Variants in AAMDC observed in about 807,000 individuals in gnomAD.
The protein encoded by AAMDC is mth938 domain-containing protein.
Under a neutral mutation model 15.5 loss-of-function variants are expected in AAMDC, and 16 were observed. The observed-to-expected ratio is 1.03, with a 90% CI of 0.70 to 1.57. The LOEUF is 1.57. Ranked by LOEUF, AAMDC falls within the 40% of genes most tolerant of loss-of-function variation. The pLI is 0.00. For synonymous variants in AAMDC, 51 were observed against 51.6 expected (o/e 0.99, Z 0.05); for missense variants, 141 against 144.9 (o/e 0.97, Z 0.14).
intron 5 of AAMDC, among the ~76,000 whole-genome samples, chr11:77,890,588 C>A (rs1338873808): frequency 6.6e-6 from 1 of 152,110 alleles, no homozygotes; most frequent in Non-Finnish European, 1.5e-5. Context: ...CTGTGCATGT[C>A]TACTCACCAA....
At chr11:77,903,872 G>C (rs1952857763), downstream of AAMDC, among the ~76,000 whole-genome samples, 1 of 152,112 alleles carries the variant, frequency 6.6e-6, no homozygotes, top group African/African-American at 2.4e-5. Context: ...AGTGCTTCTG[G>C]AAGCAGAGGA....
chr11:77,878,137 C>T (rs756488854), intron 5 of AAMDC, among the ~76,000 whole-genome samples: 4 of 152,046 alleles, frequency 2.6e-5, no homozygotes, highest in South Asian at 4.1e-4. Flanking sequence ...CCAAGGTGGG[C>T]AGATCACGAG....
At chr11:77,852,563 C>G (rs1257297229) in intron 2 of AAMDC, among the ~76,000 whole-genome samples, 2 of 152,100 alleles carry the variant, frequency 1.3e-5, no homozygotes, top group Non-Finnish European at 2.9e-5. Flanking sequence ...TACAATTCAA[C>G]ATGAGATTTG....
At chr11:77,836,297 C>CT (rs1242868543) in intron 1 of AAMDC, among the ~76,000 whole-genome samples, 1 of 152,058 alleles carries the variant, frequency 6.6e-6, no homozygotes, top group Non-Finnish European at 1.5e-5. Flanking sequence ...GAGATAGGGT[C>CT]TTCAAGGAGG....
chr11:77,823,239 T>G lies in AAMDC; in HGVS notation c.-19+1998T>G, dbSNP rs570091679. The stretch of plus-strand genomic sequence containing the variant: ...CAAAAAAAAAAAAAAAAAAAAGAAA[T>G]TAAAATCCTACTTCAGGAAAATATC... On this transcript the variant is annotated intron_variant, in intron 1 of 3. Coordinates refer to ENST00000393427, the MANE Select transcript of AAMDC (RefSeq NM_024684.4). Among the ~76,000 whole-genome samples the G allele has an allele frequency of 6.6e-4, 79 of 119,788 alleles. No homozygotes were observed. The Middle Eastern group carries it at 0.016, about 24-fold the overall frequency. 78.6% of individuals were successfully genotyped at this position (119,788 alleles called of 152,430 possible). A position where few individuals can be genotyped will look rare whatever the true frequency, so the allele number is the denominator to read the frequency against.
chr11:77,879,286 C>T (rs561002713), intron 5 of AAMDC, among the ~76,000 whole-genome samples: 26 of 152,352 alleles, frequency 1.7e-4, no homozygotes, highest in Non-Finnish European at 2.9e-4. Context: ...AACACTGAGC[C>T]TGCAGATGTG....
chr11:77,872,061 G>T (rs532164361), intron 3 of AAMDC, 114 bp from the exon 4 acceptor site: 2 of 1,198,158 alleles, frequency 1.7e-6, no homozygotes, highest in Non-Finnish European at 2.3e-6. Flanking sequence ...CTGAGTGATC[G>T]TGAAGTGACG....
At chr11:77,825,840 T>A (rs614495) in intron 1 of AAMDC, among the ~76,000 whole-genome samples, 33,131 of 151,974 alleles carry the variant, frequency 0.22, 3,718 homozygotes, top group Middle Eastern at 0.25. Context: ...TACAGGCAAG[T>A]GCCACTACAT....
chr11:77,845,457 C>A (rs988311179), intron 2 of AAMDC, among the ~76,000 whole-genome samples: 1 of 151,450 alleles, frequency 6.6e-6, no homozygotes, highest in Non-Finnish European at 1.5e-5. Flanking sequence ...GGGGGATAGA[C>A]TATTGCTCTG....
chr11:77,881,563 A>G (rs991701979), intron 5 of AAMDC, among the ~76,000 whole-genome samples: 2 of 152,234 alleles, frequency 1.3e-5, no homozygotes, highest in Non-Finnish European at 2.9e-5. Flanking sequence ...TATCTGTAAA[A>G]TGAAAAGAGA....
downstream of AAMDC, among the ~76,000 whole-genome samples, chr11:77,873,786 G>A (rs1233372149): frequency 1.3e-5 from 2 of 152,182 alleles, no homozygotes; most frequent in Non-Finnish European, 2.9e-5. Context: ...CTTAAAAAAT[G>A]GAAGGTTCAT....
chr11:77,862,452 T>A (rs925422252), intron 2 of AAMDC, among the ~76,000 whole-genome samples: 8 of 152,206 alleles, frequency 5.3e-5, no homozygotes, highest in African/African-American at 1.9e-4. Context: ...GAGAAAAAGG[T>A]ACGTGTACTC....
At chr11:77,903,704 T>C (rs1429071894), downstream of AAMDC, 14 of 1,011,414 alleles carry the variant, frequency 1.4e-5, no homozygotes, top group Non-Finnish European at 1.9e-5. Flanking sequence ...TTGTTTTCCT[T>C]TGAAAGTCTC....
intron 2 of AAMDC, among the ~76,000 whole-genome samples, chr11:77,860,442 C>T (rs1237336705): frequency 6.6e-6 from 1 of 152,172 alleles, no homozygotes; most frequent in Non-Finnish European, 1.5e-5. Context: ...ATAATTTTAG[C>T]CCTAAGTATT....
intron 5 of AAMDC, chr11:77,891,658 A>G: frequency 1.2e-6 from 2 of 1,611,084 alleles, no homozygotes; most frequent in Non-Finnish European, 1.7e-6. Context: ...GATTTGGCCT[A>G]CAGGGGCCAA....
intron 1 of AAMDC, among the ~76,000 whole-genome samples, chr11:77,835,692 G>T (rs1949651556): frequency 6.6e-6 from 1 of 151,982 alleles, no homozygotes. Flanking sequence ...ACTGAGGTGG[G>T]CGGATCGCTT....
chr11:77,841,733 C>T (rs1024776014), intron 1 of AAMDC, among the ~76,000 whole-genome samples: 1 of 152,164 alleles, frequency 6.6e-6, no homozygotes, highest in Non-Finnish European at 1.5e-5. Context: ...GCTTATAAAG[C>T]CCCCTGTGGC....
At chr11:77,883,855 T>C (rs368172034) in intron 5 of AAMDC, 1 of 1,612,894 alleles carries the variant, frequency 6.2e-7, no homozygotes, top group Non-Finnish European at 8.5e-7. Context: ...GTGGGAGAGA[T>C]AAACCTGAGT....
intron 5 of AAMDC, chr11:77,891,522 G>A (rs928976002): frequency 1.6e-5 from 25 of 1,597,030 alleles, no homozygotes; most frequent in East Asian, 4.5e-5. Context: ...ATGAGAAAAC[G>A]CATCTTTTTT....
Sources: allele counts gnomAD v4.1 joint callset (sites outside exome capture counted in the v4.1 genomes callset), GRCh38; gene constraint gnomAD v4.1.1; transcripts MANE v1.5; gene names NCBI Gene and HGNC (gene_info 2026-07-23, HGNC 2026-07-21).